The following TEX14 variants were observed in gnomAD, a reference collection of about 807,000 sequenced individuals.
TEX14 encodes inactive serine/threonine-protein kinase TEX14.
Under a neutral mutation model 178.6 loss-of-function variants are expected in TEX14, and 168 were observed. The observed-to-expected ratio is 0.94, with a 90% CI of 0.83 to 1.07. TEX14 has a LOEUF of 1.07. Ranked by LOEUF, TEX14 falls within the 50% of genes least tolerant of loss-of-function variation. The pLI is 0.00. For missense variants in TEX14, 1,730 were observed against 1,753.6 expected, an observed-to-expected ratio of 0.99 and a Z score of 0.24; for synonymous variants, 626 against 634.1, an observed-to-expected ratio of 0.99 and a Z score of 0.19.
intron 2 of TEX14, chr17:58,631,576 A>G (rs1486788869): frequency 6.6e-6 from 1 of 152,022 alleles, no homozygotes; most frequent in Non-Finnish European, 1.5e-5. Flanking sequence ...ATAACCTTAT[A>G]CTCAAAAATT....
chr17:58,649,726 TTTTATTTATTTTTTA>T (rs1479669841), intron 2 of TEX14, among the ~76,000 whole-genome samples: 14 of 151,880 alleles, frequency 9.2e-5, no homozygotes, highest in Admixed American at 7.9e-4. Context: ...AGAAACAGAG[TTTTATTTATTTTTTA>T]TTTATTTATT....
intron 1 of TEX14, among the ~76,000 whole-genome samples, chr17:58,653,139 T>C (rs2046874980): frequency 6.6e-6 from 1 of 152,152 alleles, no homozygotes; most frequent in Non-Finnish European, 1.5e-5. Context: ...GGTTTCACCA[T>C]GTTGGACAGA....
At chr17:58,663,108 CAAAA>C (rs113078995) in intron 1 of TEX14, among the ~76,000 whole-genome samples, 1 of 76,874 alleles carries the variant, frequency 1.3e-5, no homozygotes, top group African/African-American at 4.9e-5. Flanking sequence ...GACTCCGTCT[CAAAA>C]AAAAAAAAAA....
At chr17:58,654,514 T>C (rs1470049343) in intron 1 of TEX14, among the ~76,000 whole-genome samples, 1 of 148,266 alleles carries the variant, frequency 6.7e-6, no homozygotes, top group African/African-American at 2.4e-5. Context: ...ACTTTTTTTT[T>C]TTTTTTTTTG....
At chr17:58,561,276 A>C (rs968996009) in intron 29 of TEX14, among the ~76,000 whole-genome samples, 1 of 152,232 alleles carries the variant, frequency 6.6e-6, no homozygotes, top group Non-Finnish European at 1.5e-5. Context: ...CAAAGGTAGC[A>C]GGGCCAAGAT....
intron 24 of TEX14, among the ~76,000 whole-genome samples, chr17:58,571,701 G>A (rs754426470): frequency 2.0e-4 from 31 of 152,144 alleles, no homozygotes; most frequent in Non-Finnish European, 4.1e-4. Flanking sequence ...AGTAGAGATC[G>A]ATCAAAACTC....
At chr17:58,687,058 A>T (rs28380537) in intron 1 of TEX14, among the ~76,000 whole-genome samples, 2 of 151,774 alleles carry the variant, frequency 1.3e-5, no homozygotes, top group Non-Finnish European at 2.9e-5. Context: ...GGCCCATGGG[A>T]TGTGACCAAC....
chr17:58,660,482 A>G (rs2047085573), intron 1 of TEX14: 1 of 636,176 alleles, frequency 1.6e-6, no homozygotes, highest in African/African-American at 1.8e-5. Flanking sequence ...CCTTCGTTTT[A>G]CACAGCTGTA....
Position 58,602,590 on chromosome 17 carries a change from T to G in TEX14, c.1337A>C (p.Asp446Ala). Residue 446 changes from aspartate to alanine, a missense_variant and splice_region_variant, in exon 12 of 32, where the codon GAT (aspartate) becomes GCT (alanine). Around this residue, in one of 2 missense-constraint regions of TEX14, gnomAD observed 789 missense variants for 681.2 expected, o/e 1.16. Transcript: ENST00000349033. ...FSMIMQEILT[D>A]DIPWKGLDGS... The stretch of plus-strand genomic sequence containing the variant: ...ATCTAAGCCCTTCCAGGGTATGTCA[T>G]CTGTAAGGAAAAAGTCATACAAAAG... 1 of 1,606,050 alleles carries G rather than the reference T, an allele frequency of 6.2e-7. No individual in the cohort carries two copies. The highest frequency in any genetic ancestry group is 8.5e-7 in the Non-Finnish European group (1 of 1,175,942).
intron 2 of TEX14, among the ~76,000 whole-genome samples, chr17:58,647,041 G>C (rs1051691719): frequency 3.3e-5 from 5 of 151,880 alleles, no homozygotes; most frequent in Admixed American, 2.0e-4. Flanking sequence ...GAGTAGCTGG[G>C]ATTACAGGTA....
rs571597982 is a variant in TEX14, at chr17:58,678,557, G to A, written c.-2+13382C>T. ...GGATGAAGCTGGAAACCATCATTCT[G>A]AGCAAACTTTGCAAGGACAGAAAAC... On this transcript the variant is annotated intron_variant, in intron 1 of 31. Transcript: ENST00000349033. 2.0e-5 allele frequency among the ~76,000 whole-genome samples: 3 copies of A among 152,078 alleles called. No individual in the cohort carries two copies. The South Asian group carries it at 6.2e-4, about 32-fold the overall frequency.
At chr17:58,671,937 C>T (rs304265) in intron 1 of TEX14, among the ~76,000 whole-genome samples, 36,399 of 151,978 alleles carry the variant, frequency 0.24, 5,272 homozygotes, top group Middle Eastern at 0.41. Context: ...AGCGTATTTC[C>T]TCTATCTTAG....
At chr17:58,638,692 C>G (rs1454940802) in intron 2 of TEX14, among the ~76,000 whole-genome samples, 1 of 151,740 alleles carries the variant, frequency 6.6e-6, no homozygotes, top group Admixed American at 6.6e-5. Context: ...GCATATGCCA[C>G]GACGCCTGCC....
intron 1 of TEX14, among the ~76,000 whole-genome samples, chr17:58,656,925 CAAA>C (rs60626361): frequency 2.8e-4 from 22 of 79,520 alleles, no homozygotes; most frequent in East Asian, 1.0e-3. Flanking sequence ...TCCCATCTCA[CAAA>C]AAAAAAAAAA....
chr17:58,637,737 TAA>T (rs2046469469), intron 2 of TEX14, among the ~76,000 whole-genome samples: 1 of 152,116 alleles, frequency 6.6e-6, no homozygotes, highest in Admixed American at 6.6e-5. Flanking sequence ...TAAACCTAAG[TAA>T]AGTGTTTCCC....
Position 58,609,036 on chromosome 17 carries a change from A to G in TEX14, c.1184+2125T>C, listed in dbSNP as rs564743175. On this transcript the variant is annotated intron_variant, in intron 10 of 31. Coordinates refer to ENST00000349033, the MANE Select transcript of TEX14 (RefSeq NM_031272.5). ...ACCAGATGAGAAAGTGAGCAGTTCA[A>G]CTAGTGACAGTTATCTGGCCTCTGC... Among the ~76,000 whole-genome samples, 3 of 152,360 alleles carry G rather than the reference A, an allele frequency of 2.0e-5. No individual in the cohort carries two copies. The South Asian group carries it at 6.2e-4, about 32-fold the overall frequency.
intron 21 of TEX14, among the ~76,000 whole-genome samples, chr17:58,576,122 G>A (rs565767155): frequency 6.6e-6 from 1 of 152,204 alleles, no homozygotes; most frequent in East Asian, 1.9e-4. Flanking sequence ...TGCCAGATAC[G>A]TTATAACAAT....
At chr17:58,571,555 T>C (rs2044529566) in intron 24 of TEX14, among the ~76,000 whole-genome samples, 2 of 151,740 alleles carry the variant, frequency 1.3e-5, no homozygotes, top group African/African-American at 4.8e-5. Flanking sequence ...GTAGTTTTCC[T>C]GACTAGGGTA....
intron 23 of TEX14, 47 bp downstream of exon 23, chr17:58,573,133 TG>T (rs1320716890): frequency 6.2e-7 from 1 of 1,606,492 alleles, no homozygotes; most frequent in South Asian, 1.1e-5. Context: ...GACAATGGGC[TG>T]GGGCTGTAAG....
Sources: gnomAD v4.1 joint callset for allele counts (sites outside exome capture counted in the v4.1 genomes callset) on GRCh38, gnomAD v4.1.1 for gene constraint, gnomAD v4.1.1 regional missense constraint, MANE v1.5 for transcripts, NCBI Gene and HGNC (gene_info 2026-07-23, HGNC 2026-07-21) for gene names.